Variants in PTPN13 observed in about 807,000 individuals in gnomAD.
The protein encoded by PTPN13 is protein tyrosine phosphatase non-receptor type 13.
PTPN13 carries 191 observed loss-of-function variants against 284.0 expected under a neutral mutation model. The observed-to-expected ratio is 0.67, with a 90% CI of 0.60 to 0.76. The LOEUF (loss-of-function observed/expected upper bound fraction) is 0.76, where lower values mean the gene tolerates loss of function less well. Ranked by LOEUF, PTPN13 falls within the 30% of genes least tolerant of loss-of-function variation. The pLI is 0.00. For missense variants in PTPN13, 2,797 were observed against 2,939.9 expected, an observed-to-expected ratio of 0.95 and a Z score of 1.12; for synonymous variants, 986 against 1,022.3, an observed-to-expected ratio of 0.96 and a Z score of 0.68.
chr4:86,734,204 A>G, intron 12 of PTPN13, 99 bp from the exon 13 acceptor site: 1 of 927,804 alleles, frequency 1.1e-6, no homozygotes, highest in South Asian at 2.1e-5. Context: ...TTCTCATATG[A>G]TACTCTTTTA....
At chr4:86,634,476 T>C (rs911541745) in intron 1 of PTPN13, among the ~76,000 whole-genome samples, 1 of 152,156 alleles carries the variant, frequency 6.6e-6, no homozygotes, top group African/African-American at 2.4e-5. Flanking sequence ...ATTGGAAAAA[T>C]TGACCTGACA....
At chr4:86,655,319 G>A (rs1459644711) in intron 2 of PTPN13, among the ~76,000 whole-genome samples, 1 of 152,182 alleles carries the variant, frequency 6.6e-6, no homozygotes, top group Non-Finnish European at 1.5e-5. Context: ...GTTAGTTGAT[G>A]CAGTTTCTTC....
chr4:86,758,838 G>T (rs1206423748), intron 22 of PTPN13, 53 bp downstream of exon 22: 2 of 1,592,696 alleles, frequency 1.3e-6, no homozygotes, highest in Admixed American at 3.5e-5. Context: ...CATGAATTTA[G>T]GAACTTAGGC....
At chr4:86,663,824 T>C (rs1297280048) in intron 2 of PTPN13, among the ~76,000 whole-genome samples, 2 of 152,172 alleles carry the variant, frequency 1.3e-5, no homozygotes, top group African/African-American at 4.8e-5. Flanking sequence ...TGTAACACTT[T>C]TTGGCTAGCT....
chr4:86,710,327 A>T (rs1732249685), intron 7 of PTPN13, among the ~76,000 whole-genome samples: 1 of 152,136 alleles, frequency 6.6e-6, no homozygotes, highest in Non-Finnish European at 1.5e-5. Context: ...TCAAGGTAAA[A>T]GTGGTTATTT....
intron 17 of PTPN13, among the ~76,000 whole-genome samples, chr4:86,747,976 G>A (rs1474086945): frequency 4.6e-5 from 7 of 152,150 alleles, no homozygotes; most frequent in Non-Finnish European, 1.0e-4. Context: ...AGAAGATAGT[G>A]TTTTGCCCTC....
chr4:86,716,270 AT>A (rs1733004350), intron 7 of PTPN13, among the ~76,000 whole-genome samples: 1 of 152,134 alleles, frequency 6.6e-6, no homozygotes. Flanking sequence ...TCATGGGGAG[AT>A]TAAATTACTT....
At position 86,811,119 on chromosome 4, in the gene PTPN13, G is replaced by C. The variant is rs747806621; in HGVS notation, c.7362+11G>C. On this transcript the variant is annotated intron_variant, in intron 47 of 47. Coordinates refer to ENST00000411767, the MANE Select transcript of PTPN13 (RefSeq NM_080683.3). ...ATGGTTCAGACAGAGGTGAGTCATG[G>C]CTGGGCCTCCTAATGAGAATTTTTG... 1.9e-6 allele frequency: 3 copies of C among 1,605,752 alleles called. No individual in the cohort carries two copies. The Admixed American group carries it at 5.0e-5, about 27-fold the overall frequency.
intron 1 of PTPN13, among the ~76,000 whole-genome samples, chr4:86,634,731 G>A (rs1326107797): frequency 3.3e-5 from 5 of 152,258 alleles, no homozygotes; most frequent in Admixed American, 2.0e-4. Context: ...TGCATTTAGT[G>A]CAAAATATAC....
At position 86,701,531 on chromosome 4, in the gene PTPN13, G is replaced by C. The variant is rs560464621; in HGVS notation, c.925G>C (p.Ala309Pro). 2.5e-6 allele frequency: 4 copies of C among 1,613,988 alleles called. No individual in the cohort carries two copies. Among genetic ancestry groups the C allele is most frequent in the Non-Finnish European group, 3.4e-6 (4 of 1,179,866 alleles). The change falls in exon 7 of 48, where the codon GCT becomes CCT. Residue 309 changes from alanine (A) to proline (P), a missense_variant. Transcript: ENST00000411767. ...TTCATCCATGGACTTGCTTTGTACA[G>C]CTGACAGAGACTTCTCTTCAGGAGA... ...WASSMDLLCT[A>P]DRDFSSGETA...
intron 1 of PTPN13, among the ~76,000 whole-genome samples, chr4:86,606,268 TG>T (rs1274678008): frequency 1.3e-5 from 2 of 151,884 alleles, no homozygotes; most frequent in Non-Finnish European, 3.0e-5. Flanking sequence ...TCACTTAATC[TG>T]GGATTGGGGC....
Position 86,758,347 on chromosome 4 carries a change from T to A in PTPN13, c.3311T>A (p.Leu1104Ter). ...CTGAAAAAAGATGCAAAGTATGGCTTGGGTAAGTCACCGTGAGATTCTTGA... is the reference window on the plus strand; with the variant it reads ...CTGAAAAAAGATGCAAAGTATGGCTAGGGTAAGTCACCGTGAGATTCTTGA... ...VNLKKDAKYG[L>*]GFQIIGGEKM... The change falls in exon 21 of 48, where the codon TTG (leucine) becomes TAG (stop). Residue 1104 changes from leucine to a stop codon, truncating the protein, a stop_gained and splice_region_variant. Coordinates refer to ENST00000411767, the MANE Select transcript of PTPN13 (RefSeq NM_080683.3). LOFTEE classifies it high-confidence loss of function. 6.2e-7 allele frequency: 1 copy of A among 1,602,364 alleles called. No homozygotes were observed. The highest frequency in any genetic ancestry group is 8.5e-7 in the Non-Finnish European group (1 of 1,171,068).
intron 20 of PTPN13, among the ~76,000 whole-genome samples, chr4:86,753,365 G>A (rs10019950): frequency 0.23 from 34,387 of 151,936 alleles, 4,599 homozygotes; most frequent in Non-Finnish European, 0.29. Flanking sequence ...ATTTTAAAGG[G>A]ATGCTGGAGC....
intron 40 of PTPN13, among the ~76,000 whole-genome samples, chr4:86,794,201 A>T (rs2149345663): frequency 6.6e-6 from 1 of 152,340 alleles, no homozygotes; most frequent in Non-Finnish European, 1.5e-5. Flanking sequence ...CAACTTCAGC[A>T]AACTCTCAGG....
intron 1 of PTPN13, among the ~76,000 whole-genome samples, chr4:86,630,582 T>G (rs1419632188): frequency 2.0e-5 from 3 of 152,150 alleles, no homozygotes; most frequent in Non-Finnish European, 4.4e-5. Flanking sequence ...GCTTACAATT[T>G]TGGGGTTGCC....
At chr4:86,628,445 T>C (rs758449017) in intron 1 of PTPN13, among the ~76,000 whole-genome samples, 8 of 152,072 alleles carry the variant, frequency 5.3e-5, no homozygotes, top group Non-Finnish European at 1.0e-4. Flanking sequence ...TATAAGTCCT[T>C]TATCAGTTAT....
intron 1 of PTPN13, among the ~76,000 whole-genome samples, chr4:86,598,829 A>G (rs1447411788): frequency 6.6e-6 from 1 of 152,096 alleles, no homozygotes; most frequent in Non-Finnish European, 1.5e-5. Context: ...CAGTGGTGTG[A>G]TCATAGCTCA....
At chr4:86,616,728 T>C (rs1257104606) in intron 1 of PTPN13, among the ~76,000 whole-genome samples, 1 of 152,162 alleles carries the variant, frequency 6.6e-6, no homozygotes, top group Non-Finnish European at 1.5e-5. Context: ...CTTCTCCTTC[T>C]AAGCTTCCTG....
chr4:86,701,849 AT>A (rs747016180), intron 7 of PTPN13, 48 bp downstream of exon 7: 198 of 1,489,540 alleles, frequency 1.3e-4, no homozygotes, highest in Non-Finnish European at 1.7e-4. Flanking sequence ...TATTTTAAAT[AT>A]TTTTTTGAAA....
Sources: gnomAD v4.1 joint callset for allele counts (sites outside exome capture counted in the v4.1 genomes callset) on GRCh38, gnomAD v4.1.1 for gene constraint, MANE v1.5 for transcripts, NCBI Gene and HGNC (gene_info 2026-07-23, HGNC 2026-07-21) for gene names.